The following LHFPL3 variants were observed in gnomAD, a reference collection of about 807,000 sequenced individuals.
The protein encoded by LHFPL3 is LHFPL tetraspan subfamily member 3 protein.
LHFPL3 carries 5 observed loss-of-function variants against 19.3 expected under a neutral mutation model. That is an observed-to-expected ratio of 0.26 (90% CI 0.14 to 0.54). The LOEUF is 0.54. LHFPL3 is among the 20% of genes least tolerant of loss of function. The pLI, the probability that LHFPL3 is intolerant of heterozygous loss-of-function variation, is 0.94. For missense variants in LHFPL3, 249 were observed against 307.4 expected, an observed-to-expected ratio of 0.81 and a Z score of 1.42; for synonymous variants, 133 against 126.2, an observed-to-expected ratio of 1.05 and a Z score of -0.36.
At chr7:104,787,649 C>T (rs528199084) in intron 2 of LHFPL3, among the ~76,000 whole-genome samples, 1 of 152,310 alleles carries the variant, frequency 6.6e-6, no homozygotes, top group African/African-American at 2.4e-5. Flanking sequence ...CTCTTGGGCT[C>T]AAGCAATCTT....
At chr7:104,881,540 A>T (rs2116683833) in intron 2 of LHFPL3, among the ~76,000 whole-genome samples, 1 of 152,312 alleles carries the variant, frequency 6.6e-6, no homozygotes, top group Middle Eastern at 3.4e-3. Flanking sequence ...CTCATGATAA[A>T]ATTCAAATAC....
intron 2 of LHFPL3, among the ~76,000 whole-genome samples, chr7:104,867,776 A>G (rs1387131836): frequency 1.3e-5 from 2 of 152,176 alleles, no homozygotes; most frequent in Non-Finnish European, 2.9e-5. Context: ...ACACAACAAA[A>G]AAAGAGAATT....
intron 1 of LHFPL3, among the ~76,000 whole-genome samples, chr7:104,719,997 C>T (rs1793457039): frequency 6.6e-6 from 1 of 152,080 alleles, no homozygotes; most frequent in South Asian, 2.1e-4. Flanking sequence ...CAACTGAGAG[C>T]GATGGAGGAA....
chr7:104,393,083 G>A (rs1791110454), intron 1 of LHFPL3, among the ~76,000 whole-genome samples: 1 of 152,156 alleles, frequency 6.6e-6, no homozygotes, highest in Non-Finnish European at 1.5e-5. Context: ...AGCATCATTA[G>A]TCATCAGTGA....
intron 1 of LHFPL3, among the ~76,000 whole-genome samples, chr7:104,605,160 T>TTTAATTTAATTAATTATTTAATCCACTA: frequency 6.6e-6 from 1 of 152,112 alleles, no homozygotes; most frequent in South Asian, 2.1e-4. Flanking sequence ...CCACGGGAAA[T>TTTAATTTAATTAATTATTTAATCCACTA]ATTTTACACT....
At chr7:104,642,289 C>T (rs1562956497) in intron 1 of LHFPL3, among the ~76,000 whole-genome samples, 1 of 152,086 alleles carries the variant, frequency 6.6e-6, no homozygotes, top group Non-Finnish European at 1.5e-5. Context: ...CCGCCCACCT[C>T]AGCCTCCCAG....
chr7:104,575,559 T>TAAAAAAAAAAAAAAAAAAAAAA (rs58118006), intron 1 of LHFPL3, among the ~76,000 whole-genome samples: 21 of 36,176 alleles, frequency 5.8e-4, no homozygotes, highest in African/African-American at 7.8e-4. Context: ...CAAAGAGATC[T>TAAAAAAAAAAAAAAAAAAAAAA]AAAAAAAAAA....
Position 104,902,894 on chromosome 7 carries a change from T to C in LHFPL3, c.683-3293T>C, listed in dbSNP as rs115714897. On this transcript the variant is annotated intron_variant, in intron 2 of 2. Transcript: ENST00000424859. ...GAGCAGATTCAAGAAGGGTTGTTGA[T>C]GAATGACCTGTTAGGGTCAGGCCCC... is the stretch of plus-strand genomic sequence containing the variant. Among the ~76,000 whole-genome samples, 1,429 of 152,294 alleles carry C rather than the reference T, an allele frequency of 9.4e-3. 16 individuals are homozygous for C. The highest frequency in any genetic ancestry group is 0.032 in the African/African-American group (1,333 of 41,560).
At chr7:104,522,418 G>T (rs1488221853) in intron 1 of LHFPL3, among the ~76,000 whole-genome samples, 1 of 149,630 alleles carries the variant, frequency 6.7e-6, no homozygotes, top group Admixed American at 6.7e-5. Context: ...GGATGGATTG[G>T]GAGATATACC....
At chr7:104,497,325 AAAG>A (rs1166939085) in intron 1 of LHFPL3, among the ~76,000 whole-genome samples, 7 of 151,832 alleles carry the variant, frequency 4.6e-5, no homozygotes, top group East Asian at 3.9e-4. Context: ...AAAAAAAAAA[AAAG>A]AAGAAGATTC....
At position 104,603,484 on chromosome 7, in the gene LHFPL3, C is replaced by T. The variant is rs181147974; in HGVS notation, c.446-133191C>T. Among the ~76,000 whole-genome samples the T allele has an allele frequency of 4.5e-3, 679 of 152,244 alleles. 2 individuals carry two copies. The highest frequency in any genetic ancestry group is 8.0e-3 in the Admixed American group (122 of 15,276). On this transcript the variant is annotated intron_variant, in intron 1 of 2. Coordinates refer to ENST00000424859, the MANE Select transcript of LHFPL3 (RefSeq NM_199000.3). Reference sequence around the variant, plus strand: ...TTCTCCTCAAAATGCAAAATACATTCATTTTATCCCAGTAGCCCCAAAAGT... The same window carrying T: ...TTCTCCTCAAAATGCAAAATACATTTATTTTATCCCAGTAGCCCCAAAAGT...
At chr7:104,506,040 C>T (rs368496561) in intron 1 of LHFPL3, among the ~76,000 whole-genome samples, 1 of 149,278 alleles carries the variant, frequency 6.7e-6, no homozygotes, top group Admixed American at 6.7e-5. Context: ...TTTCTTGAGA[C>T]GGAGTCTCAC....
chr7:104,650,323 A>G (rs1030475237), intron 1 of LHFPL3, among the ~76,000 whole-genome samples: 16 of 152,208 alleles, frequency 1.1e-4, no homozygotes, highest in African/African-American at 3.1e-4. Context: ...GCCTCAGAAG[A>G]TGCTGAAGAA....
intron 1 of LHFPL3, among the ~76,000 whole-genome samples, chr7:104,457,405 G>T (rs553648585): frequency 6.6e-6 from 1 of 152,010 alleles, no homozygotes; most frequent in African/African-American, 2.4e-5. Context: ...TACTGAGAAT[G>T]ATTTCCAATT....
chr7:104,385,251 C>G (rs1790915684), intron 1 of LHFPL3, among the ~76,000 whole-genome samples: 1 of 152,152 alleles, frequency 6.6e-6, no homozygotes, highest in Non-Finnish European at 1.5e-5. Flanking sequence ...GTTTCTCTGC[C>G]CATCCTGTAA....
rs544331913 is a variant in LHFPL3 at position 104,623,151 on chromosome 7, G to A, written c.446-113524G>A. The A allele has an allele frequency of 1.2e-3, 224 of 191,258 alleles. 3 individuals are homozygous for A. The highest frequency in any genetic ancestry group is 5.1e-3 in the African/African-American group (216 of 42,412). The allele number at this position is 191,258 out of a possible 1,614,324, so 11.8% of individuals were successfully genotyped here. On this transcript the variant is annotated intron_variant, in intron 1 of 2. Transcript: ENST00000424859. ...TTTGATTTTTATTATTGACTTTTAA[G>A]AGTTCTAGATACTAATTTGATATCC...
chr7:104,807,852 T>C (rs1584545520), intron 2 of LHFPL3, among the ~76,000 whole-genome samples: 1 of 152,258 alleles, frequency 6.6e-6, no homozygotes, highest in South Asian at 2.1e-4. Flanking sequence ...GATTGAAGCT[T>C]CTGAATGTCC....
At chr7:104,436,702 A>T in intron 1 of LHFPL3, among the ~76,000 whole-genome samples, 1 of 152,020 alleles carries the variant, frequency 6.6e-6, no homozygotes, top group East Asian at 1.9e-4. Context: ...AGCTGCATTT[A>T]CTAAATCATG....
chr7:104,725,354 T>TAAA, intron 1 of LHFPL3, among the ~76,000 whole-genome samples: 1 of 152,238 alleles, frequency 6.6e-6, no homozygotes, highest in Admixed American at 6.5e-5. Context: ...CCTGAGCTTA[T>TAAA]GTCAGTTGGT....
Sources: allele counts gnomAD v4.1 joint callset (sites outside exome capture counted in the v4.1 genomes callset), GRCh38; gene constraint gnomAD v4.1.1; transcripts MANE v1.5; gene names NCBI Gene and HGNC (gene_info 2026-07-23, HGNC 2026-07-21).